IL12RB2: variants seen among roughly 807,000 people sequenced by gnomAD.
IL12RB2 encodes interleukin-12 receptor subunit beta-2.
A neutral mutation model predicts 89.4 loss-of-function variants in IL12RB2; 82 were observed. The observed-to-expected ratio is 0.92, with a 90% CI of 0.77 to 1.10. The LOEUF (loss-of-function observed/expected upper bound fraction) is 1.10. IL12RB2 is among the 50% of genes least tolerant of loss of function. The pLI is 0.00. For synonymous variants in IL12RB2, 368 were observed against 370.1 expected, an observed-to-expected ratio of 0.99 and a Z score of 0.07; for missense variants, 963 against 1,031.9, an observed-to-expected ratio of 0.93 and a Z score of 0.92.
chr1:67,384,176 C>G (rs1015252554), intron 14 of IL12RB2, among the ~76,000 whole-genome samples: 54 of 152,208 alleles, frequency 3.5e-4, no homozygotes, highest in Non-Finnish European at 1.0e-4. Flanking sequence ...GGGCTCCGCC[C>G]CTGCAGCAAA....
intron 4 of IL12RB2, among the ~76,000 whole-genome samples, chr1:67,322,893 G>T (rs1432248025): frequency 6.6e-6 from 1 of 152,210 alleles, no homozygotes; most frequent in Non-Finnish European, 1.5e-5. Context: ...CCATAGCCTT[G>T]CAGGTCCAAC....
At chr1:67,355,830 A>ACAT (rs1223600107) in intron 10 of IL12RB2, among the ~76,000 whole-genome samples, 1 of 152,200 alleles carries the variant, frequency 6.6e-6, no homozygotes, top group Non-Finnish European at 1.5e-5. Context: ...GAAGGAAAGA[A>ACAT]CATGCCCCAG....
intron 15 of IL12RB2, among the ~76,000 whole-genome samples, chr1:67,387,428 C>T (rs1256962072): frequency 1.3e-5 from 2 of 151,768 alleles, no homozygotes; most frequent in East Asian, 1.9e-4. Flanking sequence ...GCAGGCCGGG[C>T]ACAATGGCTC....
intron 8 of IL12RB2, among the ~76,000 whole-genome samples, chr1:67,332,331 T>C (rs559702227): frequency 6.6e-6 from 1 of 152,130 alleles, no homozygotes; most frequent in Non-Finnish European, 1.5e-5. Context: ...TTCTCCTGCC[T>C]CAGCCTCCCA....
intron 8 of IL12RB2, among the ~76,000 whole-genome samples, chr1:67,338,359 A>AAAAAAAAAAAAAAAAAAAT (rs1659093137): frequency 7.3e-6 from 1 of 136,392 alleles, no homozygotes; most frequent in Non-Finnish European, 1.5e-5. Flanking sequence ...AAAAAAAAAA[A>AAAAAAAAAAAAAAAAAAAT]AAAAAAAAAA....
chr1:67,380,058 G>A lies in IL12RB2; in HGVS notation c.1790G>A (p.Trp597Ter). 1 of 1,613,946 alleles carries A rather than the reference G, an allele frequency of 6.2e-7. No individual in the cohort carries two copies. Among genetic ancestry groups the A allele is most frequent in the Non-Finnish European group, 8.5e-7 (1 of 1,179,818 alleles). The change falls in exon 14 of 17, where the codon TGG (tryptophan) becomes TAG (stop). Residue 597 changes from tryptophan to a stop codon, truncating the protein, a stop_gained. Transcript: ENST00000674203. LOFTEE classifies it high-confidence loss of function. The stretch of plus-strand genomic sequence containing the variant: ...CAGCCCCGAGTGACATATGTCCTGT[G>A]GATGACAGCTCTGACAGCTGCTGGT... Reference protein sequence around the residue: ...SLQPRVTYVLWMTALTAAGES... With the variant: ...SLQPRVTYVL
Position 67,335,150 on chromosome 1 carries a change from T to A in IL12RB2, c.959-3474T>A, listed in dbSNP as rs75921089. ...TGAAGAAGAGCAGAGATATCAATCTTTTGTTGTTTTTGTTTTTAGGATCTG... is the reference window on the plus strand; with the variant it reads ...TGAAGAAGAGCAGAGATATCAATCTATTGTTGTTTTTGTTTTTAGGATCTG... On this transcript the variant is annotated intron_variant, in intron 8 of 16. Transcript: ENST00000674203. Among the ~76,000 whole-genome samples the A allele has an allele frequency of 3.2e-4, 48 of 152,270 alleles. No homozygotes were observed. The East Asian group carries it at 8.9e-3, about 28-fold the overall frequency.
intron 9 of IL12RB2, among the ~76,000 whole-genome samples, chr1:67,339,345 G>A (rs901522590): frequency 6.6e-6 from 1 of 152,018 alleles, no homozygotes; most frequent in Non-Finnish European, 1.5e-5. Flanking sequence ...AAATTAGCCG[G>A]GCATGGTGGC....
At chr1:67,394,314 G>T (rs1464492954) in intron 16 of IL12RB2, among the ~76,000 whole-genome samples, 1 of 152,076 alleles carries the variant, frequency 6.6e-6, no homozygotes, top group African/African-American at 2.4e-5. Flanking sequence ...CAGTGTGTAG[G>T]ATTGTTTCTA....
intron 2 of IL12RB2, among the ~76,000 whole-genome samples, chr1:67,314,467 G>A (rs1480489944): frequency 6.6e-6 from 1 of 152,074 alleles, no homozygotes; most frequent in Non-Finnish European, 1.5e-5. Context: ...TAACTTTGTC[G>A]AGCTAGGTAT....
At chr1:67,386,872 T>TTTATATATA (rs1473033781) in intron 15 of IL12RB2, among the ~76,000 whole-genome samples, 3 of 48,424 alleles carry the variant, frequency 6.2e-5, no homozygotes, top group Non-Finnish European at 1.3e-4. Context: ...GAAATGTATT[T>TTTATATATA]TATATATATA....
At chr1:67,320,729 CT>C (rs1335785669) in intron 3 of IL12RB2, among the ~76,000 whole-genome samples, 1 of 151,926 alleles carries the variant, frequency 6.6e-6, no homozygotes, top group Non-Finnish European at 1.5e-5. Context: ...GCACATTTTT[CT>C]TTTTTTTCTT....
intron 9 of IL12RB2, among the ~76,000 whole-genome samples, chr1:67,346,397 T>TG (rs1660239008): frequency 6.9e-6 from 1 of 144,300 alleles, no homozygotes; most frequent in African/African-American, 2.7e-5. Flanking sequence ...TTTTTTTTTT[T>TG]TTTTTTTTCG....
intron 8 of IL12RB2, among the ~76,000 whole-genome samples, chr1:67,332,836 A>C (rs1056430330): frequency 6.6e-6 from 1 of 152,214 alleles, no homozygotes; most frequent in Admixed American, 6.5e-5. Context: ...GGGCTTGTGA[A>C]TTCTTGTCAT....
At chr1:67,310,958 C>T (rs752173772) in intron 1 of IL12RB2, among the ~76,000 whole-genome samples, 3 of 152,166 alleles carry the variant, frequency 2.0e-5, no homozygotes, top group South Asian at 2.1e-4. Flanking sequence ...CTCTTGACCT[C>T]GTGATCTGCC....
chr1:67,310,725 G>A (rs1251605523), intron 1 of IL12RB2, among the ~76,000 whole-genome samples: 1 of 152,040 alleles, frequency 6.6e-6, no homozygotes, highest in Admixed American at 6.6e-5. Flanking sequence ...CTGGTTTTTT[G>A]TTTGTTTGTT....
chr1:67,394,606 T>C (rs1020892414), intron 16 of IL12RB2, among the ~76,000 whole-genome samples: 27 of 152,216 alleles, frequency 1.8e-4, no homozygotes, highest in Admixed American at 6.5e-4. Context: ...TAAAAGCAGA[T>C]CTGACAAGGA....
At chr1:67,394,488 TTAAG>T (rs1345691867) in intron 16 of IL12RB2, among the ~76,000 whole-genome samples, 1 of 152,030 alleles carries the variant, frequency 6.6e-6, no homozygotes, top group Non-Finnish European at 1.5e-5. Context: ...AGAGAATTAA[TTAAG>T]TAACAAAAGT....
At chr1:67,394,017 G>A (rs1302280608) in intron 16 of IL12RB2, among the ~76,000 whole-genome samples, 1 of 152,210 alleles carries the variant, frequency 6.6e-6, no homozygotes, top group African/African-American at 2.4e-5. Flanking sequence ...GAAAGGAACA[G>A]TCACCAGGGG....
Sources: gnomAD v4.1 joint callset for allele counts (sites outside exome capture counted in the v4.1 genomes callset) on GRCh38, gnomAD v4.1.1 for gene constraint, MANE v1.5 for transcripts, NCBI Gene and HGNC (gene_info 2026-07-23, HGNC 2026-07-21) for gene names.